The following SUPT3H variants were observed in gnomAD, a reference collection of about 807,000 sequenced individuals.
SUPT3H encodes the protein SPT3 homolog, SAGA and STAGA complex component.
A neutral mutation model predicts 44.3 loss-of-function variants in SUPT3H; 44 were observed. The observed-to-expected ratio is 0.99, with a 90% confidence interval of 0.78 to 1.28. The LOEUF (loss-of-function observed/expected upper bound fraction) is 1.28. Ranked by LOEUF, SUPT3H falls within the 50% of genes most tolerant of loss-of-function variation. The pLI, the probability that SUPT3H is intolerant of heterozygous loss-of-function variation, is 0.00. For synonymous variants in SUPT3H, 124 were observed against 125.6 expected, an observed-to-expected ratio of 0.99 and a Z score of 0.09; for missense variants, 380 against 387.1, an observed-to-expected ratio of 0.98 and a Z score of 0.15.
chr6:45,198,733 T>TTTTAATTCTATATACACAG (rs67670387), intron 2 of SUPT3H, among the ~76,000 whole-genome samples: 131,939 of 151,056 alleles, frequency 0.87, 57,887 homozygotes, highest in African/African-American at 0.92. Context: ...TGCTATATCT[T>TTTTAATTCTATATACACAG]TCCTTGAGTT....
chr6:45,375,995 T>TA (rs1170544311), intron 1 of SUPT3H, among the ~76,000 whole-genome samples: 1 of 151,996 alleles, frequency 6.6e-6, no homozygotes, highest in East Asian at 1.9e-4. Context: ...CACAAAAGGT[T>TA]AAAAAAGAAA....
intron 2 of SUPT3H, among the ~76,000 whole-genome samples, chr6:45,177,825 C>T (rs1307151763): frequency 6.6e-6 from 1 of 151,940 alleles, no homozygotes; most frequent in African/African-American, 2.4e-5. Context: ...AAGTAAGCTT[C>T]ATAAGTGAAG....
intron 6 of SUPT3H, among the ~76,000 whole-genome samples, chr6:44,973,404 G>A (rs1462007629): frequency 1.3e-5 from 2 of 152,162 alleles, no homozygotes; most frequent in Admixed American, 1.3e-4. Flanking sequence ...GGACTTCATT[G>A]TTTACATTAC....
intron 2 of SUPT3H, among the ~76,000 whole-genome samples, chr6:45,275,284 T>C (rs1299539236): frequency 6.6e-6 from 1 of 152,230 alleles, no homozygotes; most frequent in Non-Finnish European, 1.5e-5. Flanking sequence ...ACTTGTTTCA[T>C]GACTATGTTC....
chr6:44,872,255 C>T (rs9472387), intron 10 of SUPT3H, among the ~76,000 whole-genome samples: 17,315 of 42,126 alleles, frequency 0.41, 3,995 homozygotes, highest in East Asian at 0.72. Context: ...AGAGAAAGGT[C>T]GGGTTACCCT....
At chr6:45,148,505 T>A (rs1806444451) in intron 2 of SUPT3H, among the ~76,000 whole-genome samples, 1 of 152,172 alleles carries the variant, frequency 6.6e-6, no homozygotes, top group East Asian at 1.9e-4. Flanking sequence ...ATGAGGTGAC[T>A]ACAGAAAACT....
chr6:45,096,267 T>C (rs529440400), intron 3 of SUPT3H, among the ~76,000 whole-genome samples: 2 of 152,314 alleles, frequency 1.3e-5, no homozygotes, highest in South Asian at 4.1e-4. Context: ...TTCAAACTTA[T>C]GTAAGAGTTG....
downstream of SUPT3H, among the ~76,000 whole-genome samples, chr6:44,822,932 A>G (rs1767443700): frequency 6.6e-6 from 1 of 151,928 alleles, no homozygotes; most frequent in African/African-American, 2.4e-5. Context: ...AGCCTTTCCA[A>G]CATGGTGAAA....
At chr6:45,159,993 A>G (rs936794767) in intron 2 of SUPT3H, among the ~76,000 whole-genome samples, 10 of 152,196 alleles carry the variant, frequency 6.6e-5, no homozygotes, top group African/African-American at 2.4e-4. Context: ...CTGGGTTCAA[A>G]TAATTAATTT....
At chr6:45,321,697 C>A in intron 2 of SUPT3H, 4 of 864,810 alleles carry the variant, frequency 4.6e-6, no homozygotes, top group Admixed American at 2.5e-5. Flanking sequence ...AGCACCAGAT[C>A]TTTCTCTAAA....
intron 2 of SUPT3H, chr6:45,328,264 A>G: frequency 7.4e-7 from 1 of 1,350,100 alleles, no homozygotes; most frequent in Non-Finnish European, 9.9e-7. Context: ...CTGCCTCTCC[A>G]GTAATAGTGC....
chr6:45,060,749 A>G (rs1401064075), intron 3 of SUPT3H, among the ~76,000 whole-genome samples: 1 of 152,222 alleles, frequency 6.6e-6, no homozygotes, highest in Non-Finnish European at 1.5e-5. Context: ...ACAAATTTAC[A>G]AGAAAAAAAT....
At chr6:44,954,444 A>G (rs1774799217) in intron 8 of SUPT3H, 51 bp downstream of exon 8, 3 of 1,292,320 alleles carry the variant, frequency 2.3e-6, no homozygotes, top group Non-Finnish European at 3.4e-6. Context: ...ATGGGCAGAG[A>G]TAAAGAAAAA....
chr6:45,184,500 A>G (rs921974809), intron 2 of SUPT3H, among the ~76,000 whole-genome samples: 10 of 152,134 alleles, frequency 6.6e-5, no homozygotes, highest in Non-Finnish European at 1.5e-4. Context: ...TATGTGAACA[A>G]AAACAATATT....
chr6:44,815,506 C>A (rs888860800), intron 11 of SUPT3H, among the ~76,000 whole-genome samples: 3 of 152,010 alleles, frequency 2.0e-5, no homozygotes, highest in Admixed American at 6.5e-5. Context: ...AATATAAGTA[C>A]TGAAGAAAGA....
intron 6 of SUPT3H, among the ~76,000 whole-genome samples, chr6:44,993,116 T>C (rs1290480647): frequency 6.6e-6 from 1 of 152,066 alleles, no homozygotes; most frequent in Non-Finnish European, 1.5e-5. Context: ...TGAGCTGTGA[T>C]TGGGCCATGG....
chr6:44,831,314 G>A (rs1304673454), intron 10 of SUPT3H, among the ~76,000 whole-genome samples: 1 of 151,572 alleles, frequency 6.6e-6, no homozygotes, highest in Non-Finnish European at 1.5e-5. Flanking sequence ...GGCTTTTTGT[G>A]TTGTAGAACA....
intron 2 of SUPT3H, among the ~76,000 whole-genome samples, chr6:45,338,709 T>G (rs1789137986): frequency 1.3e-5 from 2 of 152,154 alleles, no homozygotes; most frequent in African/African-American, 4.8e-5. Flanking sequence ...TATTTCGTTT[T>G]GTCATCAATT....
intron 2 of SUPT3H, among the ~76,000 whole-genome samples, chr6:45,332,880 A>G (rs894718953): frequency 6.6e-5 from 10 of 151,646 alleles, no homozygotes; most frequent in African/African-American, 2.4e-4. Flanking sequence ...TTAAGCAGAG[A>G]CTTCTCAATA....
Sources: gnomAD v4.1 joint callset for allele counts (sites outside exome capture counted in the v4.1 genomes callset) on GRCh38, gnomAD v4.1.1 for gene constraint, MANE v1.5 for transcripts, NCBI Gene and HGNC (gene_info 2026-07-23, HGNC 2026-07-21) for gene names.